The following DGKB variants were observed in gnomAD, a reference collection of about 807,000 sequenced individuals.
DGKB encodes diacylglycerol kinase beta, also known as 90 kDa diacylglycerol kinase.
A neutral mutation model predicts 114.3 loss-of-function variants in DGKB; 67 were observed. The ratio of observed to expected loss-of-function variants is 0.59; its 90% CI spans 0.48 to 0.72. The LOEUF (loss-of-function observed/expected upper bound fraction) is 0.72. DGKB is among the 30% of genes least tolerant of loss of function. The probability of loss-of-function intolerance (pLI) is 0.00; values close to 1 mark genes in which losing one functional copy is unlikely to be tolerated. For synonymous variants in DGKB, 398 were observed against 323.1 expected (o/e 1.23, Z -2.49); for missense variants, 907 against 975.2 (o/e 0.93, Z 0.93).
At chr7:14,650,165 C>G (rs1450341224) in intron 13 of DGKB, among the ~76,000 whole-genome samples, 11 of 136,106 alleles carry the variant, frequency 8.1e-5, no homozygotes, top group Admixed American at 5.3e-4. Context: ...ATCTACAGAA[C>G]TCTCCACCCC....
chr7:14,379,061 T>C (rs1363416008), intron 21 of DGKB, among the ~76,000 whole-genome samples: 1 of 152,118 alleles, frequency 6.6e-6, no homozygotes, highest in Non-Finnish European at 1.5e-5. Context: ...TTTCAGTTTT[T>C]ACCAACATCC....
At chr7:14,589,287 T>G (rs540037152) in intron 17 of DGKB, among the ~76,000 whole-genome samples, 53 of 152,146 alleles carry the variant, frequency 3.5e-4, no homozygotes, top group Non-Finnish European at 7.1e-4. Flanking sequence ...ACATTTTGTT[T>G]GTGGATACAT....
chr7:14,443,507 G>A (rs11764850), intron 21 of DGKB, among the ~76,000 whole-genome samples: 2,232 of 152,168 alleles, frequency 0.015, 23 homozygotes, highest in Non-Finnish European at 0.022. Flanking sequence ...CAAATGATAG[G>A]TTAGCTTATT....
chr7:14,957,415 T>C (rs1386637393), intron 1 of DGKB, among the ~76,000 whole-genome samples: 1 of 151,996 alleles, frequency 6.6e-6, no homozygotes, highest in Non-Finnish European at 1.5e-5. Flanking sequence ...CCAACTATAA[T>C]ACAAAGCAGA....
chr7:14,634,138 C>T (rs1248496349), intron 13 of DGKB, among the ~76,000 whole-genome samples: 1 of 150,874 alleles, frequency 6.6e-6, no homozygotes, highest in Non-Finnish European at 1.5e-5. Context: ...TACATAAGAA[C>T]ATTTATATTT....
At chr7:14,704,138 T>A (rs998170283) in intron 6 of DGKB, among the ~76,000 whole-genome samples, 1 of 151,818 alleles carries the variant, frequency 6.6e-6, no homozygotes, top group African/African-American at 2.4e-5. Flanking sequence ...AATATAACAT[T>A]TAGAAAATGT....
At position 14,149,049 on chromosome 7, in the gene DGKB, G is replaced by A; in HGVS notation, c.*82C>T. 8.0e-7 allele frequency: 1 copy of A among 1,244,158 alleles called. No individual in the cohort carries two copies. Among genetic ancestry groups the A allele is most frequent in the Non-Finnish European group, 1.2e-6 (1 of 847,094 alleles). The allele number at this position is 1,244,158 out of a possible 1,614,324, so 77.1% of individuals were successfully genotyped here. Reference sequence around the variant, plus strand: ...ATGATTTTGCATGAGCAGGAGACTTGAAATGGTTCAAAGATTTCCAGCATA... The same window carrying A: ...ATGATTTTGCATGAGCAGGAGACTTAAAATGGTTCAAAGATTTCCAGCATA... On this transcript the variant is annotated 3_prime_UTR_variant, in exon 26 of 26. Coordinates refer to ENST00000402815, the MANE Select transcript of DGKB (RefSeq NM_001350709.2).
chr7:14,949,098 A>G (rs1423213054), intron 1 of DGKB, among the ~76,000 whole-genome samples: 2 of 151,938 alleles, frequency 1.3e-5, no homozygotes, highest in East Asian at 1.9e-4. Context: ...ATACAAAGTG[A>G]AATTTTGCAA....
At chr7:14,758,743 A>G (rs956963613) in intron 2 of DGKB, among the ~76,000 whole-genome samples, 1 of 152,190 alleles carries the variant, frequency 6.6e-6, no homozygotes, top group African/African-American at 2.4e-5. Context: ...TTAGCTTTTG[A>G]AACATCCTGC....
chr7:14,798,497 A>G (rs1007545193), intron 2 of DGKB, among the ~76,000 whole-genome samples: 1 of 152,182 alleles, frequency 6.6e-6, no homozygotes, highest in African/African-American at 2.4e-5. Flanking sequence ...ATGTTGATAA[A>G]TTTGTATACT....
intron 1 of DGKB, among the ~76,000 whole-genome samples, chr7:14,910,012 G>A (rs1041037273): frequency 1.3e-5 from 2 of 152,022 alleles, no homozygotes; most frequent in South Asian, 2.1e-4. Context: ...TTCGAGACCA[G>A]CCTGGCTAAC....
chr7:14,163,545 T>C (rs1784207720), intron 25 of DGKB, among the ~76,000 whole-genome samples: 1 of 152,210 alleles, frequency 6.6e-6, no homozygotes, highest in South Asian at 2.1e-4. Context: ...GTGCTTTTAG[T>C]TTATGTTTTA....
At chr7:14,809,783 G>A (rs1195235558) in intron 2 of DGKB, among the ~76,000 whole-genome samples, 1 of 152,094 alleles carries the variant, frequency 6.6e-6, no homozygotes, top group Non-Finnish European at 1.5e-5. Context: ...TAAAAATGGT[G>A]AATGTAGTTG....
chr7:14,193,115 G>A (rs1442467424), intron 23 of DGKB, among the ~76,000 whole-genome samples: 1 of 151,490 alleles, frequency 6.6e-6, no homozygotes, highest in Non-Finnish European at 1.5e-5. Context: ...TTCCTAATAG[G>A]CCACAGACCC....
chr7:14,649,424 A>C (rs1388838758), intron 13 of DGKB, among the ~76,000 whole-genome samples: 5 of 149,990 alleles, frequency 3.3e-5, no homozygotes, highest in East Asian at 4.0e-4. Context: ...GAAATAAAAT[A>C]CTTTACAGAC....
intron 20 of DGKB, among the ~76,000 whole-genome samples, chr7:14,491,712 G>C (rs376952689): frequency 8.4e-4 from 127 of 152,040 alleles, no homozygotes; most frequent in African/African-American, 2.8e-3. Flanking sequence ...AGTTCCTGGA[G>C]GATGTTAAAA....
rs181641255 is a variant in DGKB, at chr7:14,642,598, C to A, written c.1135-12330G>T. Among the ~76,000 whole-genome samples the A allele has an allele frequency of 2.3e-3, 356 of 152,180 alleles. 1 individual carries two copies. The highest frequency in any genetic ancestry group is 7.7e-3 in the African/African-American group (321 of 41,524). On this transcript the variant is annotated intron_variant, in intron 13 of 25. Coordinates refer to ENST00000402815, the MANE Select transcript of DGKB (RefSeq NM_001350709.2). Reference sequence around the variant, plus strand: ...ACCACAAAATAATAAAAAATATTTTCTCTAATTGAATACAATCAAGCCTAT... The same window carrying A: ...ACCACAAAATAATAAAAAATATTTTATCTAATTGAATACAATCAAGCCTAT...
intron 16 of DGKB, among the ~76,000 whole-genome samples, chr7:14,609,787 T>A (rs1176881662): frequency 6.6e-6 from 1 of 151,980 alleles, no homozygotes; most frequent in African/African-American, 2.4e-5. Flanking sequence ...TCATCACTAA[T>A]AATCATGGAA....
intron 1 of DGKB, among the ~76,000 whole-genome samples, chr7:14,917,206 A>C (rs569924795): frequency 6.6e-6 from 1 of 152,198 alleles, no homozygotes; most frequent in African/African-American, 2.4e-5. Flanking sequence ...TCAACAATCA[A>C]GTCTTCCATC....
Sources: gnomAD v4.1 joint callset for allele counts (sites outside exome capture counted in the v4.1 genomes callset) on GRCh38, gnomAD v4.1.1 for gene constraint, MANE v1.5 for transcripts, NCBI Gene and HGNC (gene_info 2026-07-23, HGNC 2026-07-21) for gene names.